TBL1XR1: variants seen among roughly 807,000 people sequenced by gnomAD.
TBL1XR1 encodes F-box-like/WD repeat-containing protein TBL1XR1.
In TBL1XR1, 5 loss-of-function variants were observed where a neutral mutation model predicts 66.9. That is an observed-to-expected ratio of 0.07 (90% CI 0.04 to 0.16). The LOEUF is 0.16. Ranked by LOEUF, TBL1XR1 falls within the 10% of genes least tolerant of loss-of-function variation. TBL1XR1 has a pLI of 1.00. For missense variants in TBL1XR1, 238 were observed against 623.2 expected (o/e 0.38, Z 6.58); for synonymous variants, 210 against 206.0 (o/e 1.02, Z -0.17).
chr3:177,052,378 C>A (rs1717210847), intron 4 of TBL1XR1, among the ~76,000 whole-genome samples: 1 of 152,168 alleles, frequency 6.6e-6, no homozygotes, highest in Non-Finnish European at 1.5e-5. Flanking sequence ...TATGTGAAGT[C>A]TGGTTCACTT....
chr3:177,117,867 G>GAA (rs1726498709), intron 1 of TBL1XR1, among the ~76,000 whole-genome samples: 1 of 152,026 alleles, frequency 6.6e-6, no homozygotes, highest in Admixed American at 6.5e-5. Context: ...CAATGGGAAG[G>GAA]AAAAAAGGTG....
At chr3:177,041,852 A>G (rs1715632315) in intron 10 of TBL1XR1, among the ~76,000 whole-genome samples, 1 of 152,142 alleles carries the variant, frequency 6.6e-6, no homozygotes, top group Non-Finnish European at 1.5e-5. Context: ...TAGTAAGAAG[A>G]CAAGCACGAC....
At chr3:177,069,010 T>C (rs1014740307) in intron 2 of TBL1XR1, among the ~76,000 whole-genome samples, 7 of 152,236 alleles carry the variant, frequency 4.6e-5, no homozygotes, top group Admixed American at 1.3e-4. Flanking sequence ...CTCTCTTTCA[T>C]TGGAATCCAG....
At chr3:177,116,947 A>G (rs1005971644) in intron 1 of TBL1XR1, among the ~76,000 whole-genome samples, 20 of 152,234 alleles carry the variant, frequency 1.3e-4, no homozygotes, top group Non-Finnish European at 4.4e-5. Context: ...ACCCAGTCTG[A>G]AAGTCCAGAA....
chr3:177,180,379 C>T (rs566773009), intron 1 of TBL1XR1, among the ~76,000 whole-genome samples: 1 of 145,748 alleles, frequency 6.9e-6, no homozygotes, highest in African/African-American at 2.5e-5. Flanking sequence ...CATTCCCCCC[C>T]CCCCCATTTA....
At chr3:177,102,119 GTCTC>G (rs1724301863) in intron 1 of TBL1XR1, among the ~76,000 whole-genome samples, 1 of 152,134 alleles carries the variant, frequency 6.6e-6, no homozygotes, top group South Asian at 2.1e-4. Flanking sequence ...TCATCAGTGA[GTCTC>G]TCATCACCCT....
intron 1 of TBL1XR1, among the ~76,000 whole-genome samples, chr3:177,193,024 G>C (rs924593207): frequency 9.2e-5 from 14 of 151,950 alleles, no homozygotes; most frequent in African/African-American, 3.1e-4. Flanking sequence ...GTGGTGGCAA[G>C]CACCTGTAAT....
At chr3:177,183,956 A>G (rs1735122674) in intron 1 of TBL1XR1, among the ~76,000 whole-genome samples, 1 of 151,672 alleles carries the variant, frequency 6.6e-6, no homozygotes, top group Non-Finnish European at 1.5e-5. Flanking sequence ...AAAATGAGAC[A>G]AAGACTCTCC....
intron 1 of TBL1XR1, among the ~76,000 whole-genome samples, chr3:177,186,190 A>T (rs1468908109): frequency 6.6e-6 from 1 of 152,168 alleles, no homozygotes; most frequent in African/African-American, 2.4e-5. Context: ...CTGCACTCCT[A>T]ACCCCAGTCT....
upstream of TBL1XR1, among the ~76,000 whole-genome samples, chr3:177,199,951 T>G (rs1737308468): frequency 1.3e-5 from 2 of 152,066 alleles, no homozygotes; most frequent in Admixed American, 1.3e-4. Flanking sequence ...TCATACTAAT[T>G]GAAGAGAGAG....
intron 2 of TBL1XR1, among the ~76,000 whole-genome samples, chr3:177,067,493 C>G (rs1456340918): frequency 2.0e-5 from 3 of 152,066 alleles, no homozygotes; most frequent in Non-Finnish European, 4.4e-5. Context: ...CTTCCAGCAC[C>G]ACCTAATGCA....
At chr3:177,121,236 C>T (rs781564480) in intron 1 of TBL1XR1, among the ~76,000 whole-genome samples, 2 of 152,068 alleles carry the variant, frequency 1.3e-5, no homozygotes, top group Non-Finnish European at 2.9e-5. Context: ...TCATAAAAGA[C>T]AGAATGGCTG....
chr3:177,145,084 C>T (rs1239667987), intron 1 of TBL1XR1, among the ~76,000 whole-genome samples: 8 of 152,132 alleles, frequency 5.3e-5, no homozygotes, highest in African/African-American at 9.7e-5. Context: ...CAAGTGGTAC[C>T]AGGCAAGCTT....
chr3:177,194,281 T>G (rs1330302860), intron 1 of TBL1XR1, among the ~76,000 whole-genome samples: 1 of 152,218 alleles, frequency 6.6e-6, no homozygotes, highest in Non-Finnish European at 1.5e-5. Context: ...TATAAATGTC[T>G]CGTGTTAGCT....
intron 1 of TBL1XR1, among the ~76,000 whole-genome samples, chr3:177,184,974 C>T (rs946904792): frequency 2.6e-5 from 4 of 152,196 alleles, no homozygotes; most frequent in African/African-American, 9.7e-5. Flanking sequence ...GACTGAAAAG[C>T]ACAGGAGAAA....
chr3:177,100,581 C>T (rs1214873339), intron 1 of TBL1XR1, among the ~76,000 whole-genome samples: 1 of 152,006 alleles, frequency 6.6e-6, no homozygotes, highest in Non-Finnish European at 1.5e-5. Flanking sequence ...CAAGCCACCA[C>T]GCCTGGCCAA....
rs562794807 is a variant in TBL1XR1 at position 177,057,973 on chromosome 3, C to T, written c.59-4055G>A. On this transcript the variant is annotated intron_variant, in intron 3 of 15. Coordinates refer to ENST00000457928, the MANE Select transcript of TBL1XR1 (RefSeq NM_024665.7). ...GCCATTTTCTATAGATCGCTTGTTT[C>T]AGGAAGTGCTTTCTGTAAGGATGTT... 2.4e-4 allele frequency among the ~76,000 whole-genome samples: 37 copies of T among 152,230 alleles called. No homozygotes were observed. The South Asian group carries it at 7.3e-3, about 30-fold the overall frequency.
chr3:177,188,328 C>T (rs146938247), intron 1 of TBL1XR1, among the ~76,000 whole-genome samples: 1,860 of 152,232 alleles, frequency 0.012, 16 homozygotes, highest in Non-Finnish European at 0.017. Context: ...GTGGGCAGAT[C>T]ACCTGAGGTC....
At chr3:177,184,989 C>T (rs993691362) in intron 1 of TBL1XR1, among the ~76,000 whole-genome samples, 1 of 152,152 alleles carries the variant, frequency 6.6e-6, no homozygotes, top group African/African-American at 2.4e-5. Flanking sequence ...GAGAAATTAA[C>T]ATCATTTTCC....
Sources: gnomAD v4.1 joint callset for allele counts (sites outside exome capture counted in the v4.1 genomes callset) on GRCh38, gnomAD v4.1.1 for gene constraint, MANE v1.5 for transcripts, NCBI Gene and HGNC (gene_info 2026-07-23, HGNC 2026-07-21) for gene names.